ROS1: variants seen among roughly 807,000 people sequenced by gnomAD.
ROS1 encodes proto-oncogene tyrosine-protein kinase ROS.
A neutral mutation model predicts 273.5 loss-of-function variants in ROS1; 263 were observed. That is an observed-to-expected ratio of 0.96 (90% CI 0.87 to 1.06). The LOEUF (loss-of-function observed/expected upper bound fraction) is 1.06. ROS1 is among the 50% of genes least tolerant of loss of function. The pLI is 0.00. For synonymous variants in ROS1, 1,008 were observed against 954.1 expected (o/e 1.06, Z -1.04); for missense variants, 2,833 against 2,751.1 (o/e 1.03, Z -0.67).
Position 117,317,279 on chromosome 6 carries a change from G to GGT in ROS1, c.5988-9_5988-8dup. 1 of 1,610,536 alleles carries GGT rather than the reference G, an allele frequency of 6.2e-7. No homozygotes were observed. The highest frequency in any genetic ancestry group is 8.5e-7 in the Non-Finnish European group (1 of 1,178,426). On this transcript the variant is annotated splice_region_variant and splice_polypyrimidine_tract_variant and intron_variant, in intron 38 of 43. Coordinates refer to ENST00000368507, the MANE Select transcript of ROS1 (RefSeq NM_001378902.1). ...GTTGGGATGATTAAATTTGCTGAAA[G>GGT]GTGGAAAGACACAGGCTGGATGATA...
Position 117,343,992 on chromosome 6 carries a change from T to C in ROS1, c.4506+68A>G, listed in dbSNP as rs573463209. The C allele has an allele frequency of 1.8e-5, 24 of 1,340,424 alleles. No homozygotes were observed. The South Asian group carries it at 2.4e-4, about 14-fold the overall frequency. 83.0% of individuals were successfully genotyped at this position (1,340,424 alleles called of 1,614,324 possible). A position where few individuals can be genotyped will look rare whatever the true frequency, so the allele number is the denominator to read the frequency against. On this transcript the variant is annotated intron_variant, in intron 28 of 43. Coordinates refer to ENST00000368507, the MANE Select transcript of ROS1 (RefSeq NM_001378902.1). ...AGAACATATAGGAAATACTTTACTA[T>C]GGCTCATAATTTTATATCAAAAAAG...
intron 32 of ROS1, among the ~76,000 whole-genome samples, chr6:117,336,644 T>A (rs1777502042): frequency 6.6e-6 from 1 of 152,140 alleles, no homozygotes. Flanking sequence ...TACGTGTGCA[T>A]GTATCTTTGT....
rs3839367 is a variant in ROS1, at chr6:117,407,069, GAA to G, written c.316+2511_316+2512del. 8.2e-4 allele frequency among the ~76,000 whole-genome samples: 123 copies of G among 149,766 alleles called. 1 individual carries two copies. In the East Asian group the frequency reaches 0.014, roughly 17 times the overall value. Reference sequence around the variant, plus strand: ...ATCCACAGCTAATTCCCGTGACACAGAAAAAAAAAAATGTAATATCACTACCT... The same window carrying G: ...ATCCACAGCTAATTCCCGTGACACAGAAAAAAAAATGTAATATCACTACCT... On this transcript the variant is annotated intron_variant, in intron 5 of 43. Coordinates refer to ENST00000368507, the MANE Select transcript of ROS1 (RefSeq NM_001378902.1).
chr6:117,310,018 T>C (rs1441576908), intron 41 of ROS1, 63 bp downstream of exon 41: 10 of 1,424,120 alleles, frequency 7.0e-6, no homozygotes, highest in Non-Finnish European at 8.9e-6. Context: ...TAGATGTCCT[T>C]TTAAAATCCC....
At position 117,300,256 on chromosome 6, in the gene ROS1, T is replaced by C. The variant is rs549810185; in HGVS notation, c.6715+718A>G. Among the ~76,000 whole-genome samples the C allele has an allele frequency of 5.9e-5, 9 of 151,848 alleles. No homozygotes were observed. The South Asian group carries it at 1.9e-3, about 32-fold the overall frequency. On this transcript the variant is annotated intron_variant, in intron 43 of 43. Coordinates refer to ENST00000368507, the MANE Select transcript of ROS1 (RefSeq NM_001378902.1). ...GTGAGCCACCGCACCCGGCACAGAA[T>C]ATTATTAACTTAATCACCAAATACT...
At chr6:117,394,432 G>T (rs1053596844) in intron 10 of ROS1, 86 bp from the exon 11 acceptor site, 5 of 906,144 alleles carry the variant, frequency 5.5e-6, no homozygotes, top group African/African-American at 1.8e-5. Flanking sequence ...TTTATTTAAT[G>T]ATTAATAAAT....
intron 3 of ROS1, among the ~76,000 whole-genome samples, chr6:117,415,014 T>C (rs891345976): frequency 6.6e-6 from 1 of 152,180 alleles, no homozygotes; most frequent in Non-Finnish European, 1.5e-5. Context: ...CTTCAGCAAA[T>C]GTTGACTGAG....
At chr6:117,320,943 A>T (rs1290659822) in intron 36 of ROS1, among the ~76,000 whole-genome samples, 1 of 152,052 alleles carries the variant, frequency 6.6e-6, no homozygotes, top group Non-Finnish European at 1.5e-5. Flanking sequence ...CCTCTCAAAC[A>T]CTGCCTCCAG....
intron 17 of ROS1, among the ~76,000 whole-genome samples, chr6:117,380,383 A>G (rs540959151): frequency 2.8e-4 from 42 of 152,242 alleles, no homozygotes; most frequent in African/African-American, 8.9e-4. Flanking sequence ...ACAGCCTTCT[A>G]TCTTCAGGAA....
chr6:117,313,753 A>C (rs528011721), intron 39 of ROS1, among the ~76,000 whole-genome samples: 7 of 152,236 alleles, frequency 4.6e-5, no homozygotes, highest in African/African-American at 1.7e-4. Context: ...AAAGAGAAAA[A>C]GGCCTCTGCT....
chr6:117,317,080 A>G, intron 39 of ROS1, 63 bp downstream of exon 39: 1 of 1,522,374 alleles, frequency 6.6e-7, no homozygotes, highest in Non-Finnish European at 8.9e-7. Context: ...TTTAAAGAAA[A>G]TTAATAGGGA....
chr6:117,326,094 TATA>T (rs1562273921), intron 34 of ROS1, 127 bp downstream of exon 34: 12 of 16,736 alleles, frequency 7.2e-4, no homozygotes, highest in Middle Eastern at 0.037. Flanking sequence ...AATAAGATTA[TATA>T]TATATATATA....
intron 5 of ROS1, among the ~76,000 whole-genome samples, chr6:117,407,592 G>A (rs1470869098): frequency 1.3e-5 from 2 of 152,114 alleles, no homozygotes; most frequent in African/African-American, 4.8e-5. Flanking sequence ...AATGAAAGGT[G>A]CATTCAATAC....
At position 117,287,871 on chromosome 6, in the gene ROS1, T is replaced by A. The variant is rs1032306899; in HGVS notation, c.*621A>T. 2.0e-5 allele frequency among the ~76,000 whole-genome samples: 3 copies of A among 147,966 alleles called. No homozygotes were observed. The highest frequency in any genetic ancestry group is 3.0e-5 in the Non-Finnish European group (2 of 67,608). ...GGAGGTGGAGTTTGCAGTGCCGAGA[T>A]CGTGCCATTGAACTCCAGCCTGGGC... On this transcript the variant is annotated 3_prime_UTR_variant, in exon 44 of 44. Coordinates refer to ENST00000368507, the MANE Select transcript of ROS1 (RefSeq NM_001378902.1).
At chr6:117,306,342 C>T (rs945507410) in intron 42 of ROS1, among the ~76,000 whole-genome samples, 4 of 152,038 alleles carry the variant, frequency 2.6e-5, no homozygotes, top group African/African-American at 9.7e-5. Context: ...ACGGTTGCCT[C>T]CCACACCTGA....
At chr6:117,394,885 G>A in intron 9 of ROS1, 147 bp from the exon 10 acceptor site, 1 of 569,546 alleles carries the variant, frequency 1.8e-6, no homozygotes, top group Non-Finnish European at 3.0e-6. Context: ...CTGGAGAATT[G>A]CATCTATGGT....
intron 43 of ROS1, among the ~76,000 whole-genome samples, chr6:117,296,395 T>C (rs1156243461): frequency 9.1e-6 from 1 of 109,986 alleles, no homozygotes. Context: ...AGTGAGACTG[T>C]CTCAAAAAAA....
At chr6:117,343,334 T>C (rs185985016) in intron 28 of ROS1, among the ~76,000 whole-genome samples, 74 of 152,252 alleles carry the variant, frequency 4.9e-4, no homozygotes, top group Non-Finnish European at 1.8e-4. Flanking sequence ...GGAAAACATA[T>C]AGTGTTTAAC....
chr6:117,316,367 A>G (rs1413060837), intron 39 of ROS1, among the ~76,000 whole-genome samples: 2 of 152,086 alleles, frequency 1.3e-5, no homozygotes, highest in East Asian at 3.9e-4. Flanking sequence ...TTTGTCACAC[A>G]TTTTAATTTT....
Sources: gnomAD v4.1 joint callset for allele counts (sites outside exome capture counted in the v4.1 genomes callset) on GRCh38, gnomAD v4.1.1 for gene constraint, MANE v1.5 for transcripts, NCBI Gene and HGNC (gene_info 2026-07-23, HGNC 2026-07-21) for gene names.